NTF3: variants seen among roughly 807,000 people sequenced by gnomAD.
NTF3 encodes the protein neurotrophin 3.
NTF3 carries 8 observed loss-of-function variants against 26.3 expected under a neutral mutation model. The observed-to-expected ratio is 0.30, with a 90% CI of 0.18 to 0.55. The LOEUF (loss-of-function observed/expected upper bound fraction) is 0.55. Ranked by LOEUF, NTF3 falls within the 20% of genes least tolerant of loss-of-function variation. The probability of loss-of-function intolerance (pLI) is 0.93; values close to 1 mark genes in which losing one functional copy is unlikely to be tolerated. For missense variants in NTF3, 276 were observed against 352.9 expected (o/e 0.78, Z 1.75); for synonymous variants, 154 against 145.5 (o/e 1.06, Z -0.42).
At chr12:5,452,586 G>T (rs1240496520) in intron 1 of NTF3, among the ~76,000 whole-genome samples, 2 of 152,100 alleles carry the variant, frequency 1.3e-5, no homozygotes, top group Non-Finnish European at 2.9e-5. Context: ...TAGATTTCCA[G>T]ACGTTACCTT....
In NTF3 at chr12:5,494,578, G is replaced by T. The variant is rs533816034; in HGVS notation, c.403G>T (p.Asp135Tyr). ...GCCCCCGCCCTTGTATCTCATGGAG[G>T]ATTACGTGGGCAGCCCCGTGGTGGC... ...LEPPPLYLME[D>Y]YVGSPVVANR... is the part of the protein sequence containing the mutation. The change falls in exon 2 of 2, where the codon GAT becomes TAT. Residue 135 changes from aspartate to tyrosine, a missense_variant. By Grantham distance (160) the Asp-to-Tyr change is radical (BLOSUM62 -3). Transcript: ENST00000423158. The surrounding 1 kb of genome is among the most constrained non-coding windows in gnomAD (Gnocchi z 8.3). The T allele has an allele frequency of 6.2e-7, 1 of 1,614,120 alleles. No homozygotes were observed. The highest frequency in any genetic ancestry group is 8.5e-7 in the Non-Finnish European group (1 of 1,180,024).
At chr12:5,460,656 A>T (rs1940513420) in intron 1 of NTF3, among the ~76,000 whole-genome samples, 2 of 152,132 alleles carry the variant, frequency 1.3e-5, no homozygotes, top group African/African-American at 4.8e-5. Context: ...ACCACCTGGG[A>T]CACCTTCCCA....
rs114206746 is a variant in NTF3 at position 5,442,886 on chromosome 12, T to G, written c.18+10544T>G. Reference sequence around the variant, plus strand: ...AAGAGATACAAAGCAAGGCCTTACCTTCAACAGCCTTGCAGTCTACTTGCG... The same window carrying G: ...AAGAGATACAAAGCAAGGCCTTACCGTCAACAGCCTTGCAGTCTACTTGCG... On this transcript the variant is annotated intron_variant, in intron 1 of 1. Transcript: ENST00000423158. Among the ~76,000 whole-genome samples, 618 of 152,308 alleles carry G rather than the reference T, an allele frequency of 4.1e-3. 3 individuals carry two copies. The highest frequency in any genetic ancestry group is 0.014 in the African/African-American group (580 of 41,562).
chr12:5,475,349 G>A (rs1281991635), intron 1 of NTF3, among the ~76,000 whole-genome samples: 2 of 152,156 alleles, frequency 1.3e-5, no homozygotes, highest in Non-Finnish European at 2.9e-5. Context: ...TCTAGGTGGG[G>A]CTGTTTTTTT....
chr12:5,431,800 G>C (rs1254982216), upstream of NTF3, among the ~76,000 whole-genome samples: 1 of 152,062 alleles, frequency 6.6e-6, no homozygotes, highest in Non-Finnish European at 1.5e-5. Context: ...TTAACGTTTC[G>C]TTTTTTCCTG....
Position 5,464,445 on chromosome 12 carries a change from A to G in NTF3, c.19-29749A>G, listed in dbSNP as rs556728938. On this transcript the variant is annotated intron_variant, in intron 1 of 1. Transcript: ENST00000423158. ...GCATTCAGTATGCTTCTCAACATAC[A>G]AAGAGGTTGTGTGAAATAAACCCAT... is the stretch of plus-strand genomic sequence containing the variant. 1.1e-4 allele frequency among the ~76,000 whole-genome samples: 17 copies of G among 152,338 alleles called. No individual in the cohort carries two copies. The East Asian group carries it at 2.9e-3, about 26-fold the overall frequency.
chr12:5,460,128 T>G (rs891184608), intron 1 of NTF3, among the ~76,000 whole-genome samples: 2 of 152,232 alleles, frequency 1.3e-5, no homozygotes, highest in African/African-American at 4.8e-5. Flanking sequence ...GTTTTCTCCA[T>G]TATTAGCATG....
intron 1 of NTF3, among the ~76,000 whole-genome samples, chr12:5,477,058 G>GA (rs1940734066): frequency 6.6e-6 from 1 of 151,988 alleles, no homozygotes; most frequent in African/African-American, 2.4e-5. Context: ...ATTATTTAAG[G>GA]AAAAAATAAA....
intron 1 of NTF3, among the ~76,000 whole-genome samples, chr12:5,450,434 C>G (rs1308678706): frequency 6.6e-6 from 1 of 152,198 alleles, no homozygotes; most frequent in Non-Finnish European, 1.5e-5. Context: ...GAATTTTGCT[C>G]CTTGTTTTAG....
intron 1 of NTF3, among the ~76,000 whole-genome samples, chr12:5,440,102 A>G (rs985292040): frequency 1.3e-5 from 2 of 152,222 alleles, no homozygotes; most frequent in African/African-American, 2.4e-5. Flanking sequence ...CTAAAGGCTC[A>G]TTCCTTCTTC....
intron 1 of NTF3, among the ~76,000 whole-genome samples, chr12:5,472,663 G>A (rs548820798): frequency 6.6e-6 from 1 of 152,134 alleles, no homozygotes; most frequent in African/African-American, 2.4e-5. Context: ...GGTTTTCAAG[G>A]CTGGCTTGAC....
At chr12:5,455,651 C>T (rs1235380715) in intron 1 of NTF3, among the ~76,000 whole-genome samples, 3 of 151,928 alleles carry the variant, frequency 2.0e-5, no homozygotes, top group South Asian at 2.1e-4. Flanking sequence ...CCTGCACCCT[C>T]GACAGTGAGA....
At chr12:5,465,862 G>A (rs902485030) in intron 1 of NTF3, among the ~76,000 whole-genome samples, 3 of 152,322 alleles carry the variant, frequency 2.0e-5, no homozygotes, top group Admixed American at 1.3e-4. Context: ...TGCAGCATCC[G>A]TGCCTGTCTA....
chr12:5,467,228 C>CAAAAAAAAAAAA lies in NTF3; in HGVS notation c.19-26942_19-26931dup, dbSNP rs60794349. 6.1e-4 allele frequency among the ~76,000 whole-genome samples: 30 copies of CAAAAAAAAAAAA among 49,546 alleles called. 2 individuals carry two copies. Among genetic ancestry groups the CAAAAAAAAAAAA allele is most frequent in the African/African-American group, 1.5e-3 (15 of 10,280 alleles). The allele number at this position is 49,546 out of a possible 152,430, so 32.5% of individuals were successfully genotyped here. A position where few individuals can be genotyped will look rare whatever the true frequency, so the allele number is the denominator to read the frequency against. On this transcript the variant is annotated intron_variant, in intron 1 of 1. Transcript: ENST00000423158. Reference sequence around the variant, plus strand: ...TGTGCAACAGAGCGAGACTCCGTCTCAAAAAAAAAAAAAAAAAAAAAAAAA... The same window carrying CAAAAAAAAAAAA: ...TGTGCAACAGAGCGAGACTCCGTCTCAAAAAAAAAAAAAAAAAAAAAAAAAAAAAAAAAAAAA...
chr12:5,474,438 GC>G (rs1186837436), intron 1 of NTF3, among the ~76,000 whole-genome samples: 1 of 152,206 alleles, frequency 6.6e-6, no homozygotes, highest in East Asian at 1.9e-4. Flanking sequence ...TGTCAGGGGA[GC>G]CCTGGCAGAG....
rs1940459544 is a variant in NTF3 at position 5,456,918 on chromosome 12, G to A, written c.18+24576G>A. 6.6e-6 allele frequency among the ~76,000 whole-genome samples: 1 copy of A among 152,176 alleles called. No homozygotes were observed. Among genetic ancestry groups the A allele is most frequent in the Non-Finnish European group, 1.5e-5 (1 of 68,032 alleles). The stretch of plus-strand genomic sequence containing the variant: ...GAGTGGCCCATAGGGGCAGGTATGA[G>A]AGAGGTGCTGAGGGAGGCAGGGGGC... On this transcript the variant is annotated intron_variant, in intron 1 of 1. Transcript: ENST00000423158. This position sits in a 1 kb window ranked among gnomAD's most constrained non-coding sequence, Gnocchi z 4.4.
At chr12:5,432,071 G>C (rs1940098083), upstream of NTF3, 1 of 486,184 alleles carries the variant, frequency 2.1e-6, no homozygotes, top group South Asian at 2.2e-5. Context: ...ATCTGGCCGG[G>C]TTGGCTGGTT....
At chr12:5,431,368 C>T (rs1235182634), upstream of NTF3, among the ~76,000 whole-genome samples, 3 of 152,202 alleles carry the variant, frequency 2.0e-5, no homozygotes, top group Non-Finnish European at 4.4e-5. Context: ...CTTCCACACT[C>T]AAGCTCCCGC....
intron 1 of NTF3, among the ~76,000 whole-genome samples, chr12:5,461,334 A>C (rs1328195591): frequency 6.6e-6 from 1 of 152,196 alleles, no homozygotes; most frequent in African/African-American, 2.4e-5. Context: ...TCAGTCCTCC[A>C]TGCAGCAAAA....
Sources: allele counts gnomAD v4.1 joint callset (sites outside exome capture counted in the v4.1 genomes callset), GRCh38; gene constraint gnomAD v4.1.1; non-coding constraint Gnocchi (gnomAD v3.1); transcripts MANE v1.5; gene names NCBI Gene and HGNC (gene_info 2026-07-23, HGNC 2026-07-21).